The following HOXA3 variants were observed in gnomAD, a reference collection of about 807,000 sequenced individuals.
The protein encoded by HOXA3 is homeobox A3, also known as homeobox protein Hox-A3.
HOXA3 carries 8 observed loss-of-function variants against 30.3 expected under a neutral mutation model. The ratio of observed to expected loss-of-function variants is 0.26; its 90% CI spans 0.15 to 0.48. The LOEUF is 0.48. HOXA3 is among the 20% of genes least tolerant of loss of function. HOXA3 has a pLI of 0.99. For synonymous variants in HOXA3, 323 were observed against 273.1 expected (o/e 1.18, Z -1.80); for missense variants, 653 against 614.4 (o/e 1.06, Z -0.66).
In HOXA3 at chr7:27,131,053, G is replaced by T. The variant is rs927717920; in HGVS notation, c.-389-3983C>A. On this transcript the variant is annotated intron_variant, in intron 2 of 5. Coordinates refer to ENST00000612286, the MANE Select transcript of HOXA3 (RefSeq NM_153631.3). ...GCTGCTGTCCGGCCCCTGGGCTGGGGGAGGGAGCAGGAGCTTTGGACCCCA... is the reference window on the plus strand; with the variant it reads ...GCTGCTGTCCGGCCCCTGGGCTGGGTGAGGGAGCAGGAGCTTTGGACCCCA... Among the ~76,000 whole-genome samples the T allele has an allele frequency of 2.0e-5, 3 of 152,130 alleles. No individual in the cohort carries two copies. The East Asian group carries it at 5.8e-4, about 29-fold the overall frequency.
chr7:27,123,680 G>C (rs1785147640), intron 3 of HOXA3: 1 of 152,498 alleles, frequency 6.6e-6, no homozygotes, highest in South Asian at 2.1e-4. Context: ...GCCCTCCGCT[G>C]TCTGTCTGCC....
At chr7:27,142,722 C>G (rs41303384) in intron 1 of HOXA3, 2 of 354,368 alleles carry the variant, frequency 5.6e-6, no homozygotes, top group Non-Finnish European at 1.0e-5. Context: ...CAGCCATCCT[C>G]TACCTCTCTG....
At chr7:27,147,858 G>A in intron 1 of HOXA3, 2 of 1,014,104 alleles carry the variant, frequency 2.0e-6, no homozygotes, top group Non-Finnish European at 2.8e-6. Flanking sequence ...CGCCAAAAGC[G>A]ACAGCAGCAA....
intron 5 of HOXA3, 121 bp downstream of exon 5, chr7:27,109,994 T>G: frequency 8.3e-7 from 1 of 1,209,740 alleles, no homozygotes; most frequent in Non-Finnish European, 1.2e-6. Flanking sequence ...TGGGCAGTGG[T>G]GTGGGAGCAG....
chr7:27,121,138 C>A (rs564846494), intron 4 of HOXA3: 1 of 152,230 alleles, frequency 6.6e-6, no homozygotes, highest in South Asian at 2.1e-4. Context: ...GTCAAAAGTA[C>A]ACTTAACATT....
intron 2 of HOXA3, among the ~76,000 whole-genome samples, chr7:27,132,725 C>T (rs566099940): frequency 2.2e-4 from 34 of 152,244 alleles, no homozygotes; most frequent in African/African-American, 8.2e-4. Context: ...CAATATCTCT[C>T]CCTAGCAAGA....
chr7:27,130,186 C>G (rs2128054502), intron 2 of HOXA3: 1 of 1,585,948 alleles, frequency 6.3e-7, no homozygotes, highest in Non-Finnish European at 8.5e-7. Flanking sequence ...GCCCAGCGGG[C>G]TCTTGTCGGC....
At position 27,142,994 on chromosome 7, in the gene HOXA3, C is replaced by T; in HGVS notation, c.-493-2808G>A. The T allele has an allele frequency of 2.1e-6, 3 of 1,458,474 alleles. No homozygotes were observed. The South Asian group carries it at 4.2e-5, about 20-fold the overall frequency. 90.3% of individuals were successfully genotyped at this position (1,458,474 alleles called of 1,614,324 possible). On this transcript the variant is annotated intron_variant, in intron 1 of 5. Coordinates refer to ENST00000612286, the MANE Select transcript of HOXA3 (RefSeq NM_153631.3). ...AGGGCGGCAGAGAAGAGAGGGGGGA[C>T]CGAGAGCCGCGTCCCCGCGGTCGCG...
At chr7:27,136,593 A>G (rs1444600571) in intron 2 of HOXA3, among the ~76,000 whole-genome samples, 2 of 152,148 alleles carry the variant, frequency 1.3e-5, no homozygotes, top group Non-Finnish European at 2.9e-5. Flanking sequence ...GGCGATTCCT[A>G]GGGTGTGCAG....
intron 2 of HOXA3, 50 bp downstream of exon 2, chr7:27,140,033 A>AGAGAGAGAGAGAG (rs1281735462): frequency 1.3e-4 from 16 of 118,774 alleles, no homozygotes; most frequent in Admixed American, 2.6e-4. Flanking sequence ...GAGAGAGAGA[A>AGAGAGAGAGAGAG]AGTTTCCAAA....
chr7:27,110,988 G>A (rs1298534691), intron 4 of HOXA3, among the ~76,000 whole-genome samples: 1 of 152,218 alleles, frequency 6.6e-6, no homozygotes, highest in Non-Finnish European at 1.5e-5. Context: ...CCGGGGAGAA[G>A]GAGAATGAGT....
chr7:27,129,967 C>T, intron 2 of HOXA3: 3 of 848,418 alleles, frequency 3.5e-6, no homozygotes, highest in South Asian at 1.7e-5. Flanking sequence ...CTGGCTGGCG[C>T]GCACATACCC....
intron 1 of HOXA3, chr7:27,145,898 A>T: frequency 6.2e-7 from 1 of 1,613,190 alleles, no homozygotes; most frequent in South Asian, 1.1e-5. Flanking sequence ...CTCGGCGCCC[A>T]TGGCTCCCAT....
At chr7:27,116,444 G>A (rs1784726507) in intron 4 of HOXA3, 2 of 152,524 alleles carry the variant, frequency 1.3e-5, no homozygotes, top group African/African-American at 4.8e-5. Context: ...CTGGCATTTC[G>A]AGGTAGAAGG....
chr7:27,139,532 C>A (rs1051448204), intron 2 of HOXA3, among the ~76,000 whole-genome samples: 2 of 152,246 alleles, frequency 1.3e-5, no homozygotes, highest in Admixed American at 6.5e-5. Flanking sequence ...TGCCAAATGA[C>A]CCCGGCCCGC....
chr7:27,108,841 G>A lies in HOXA3; in HGVS notation c.527-121C>T, dbSNP rs1306763551. The A allele has an allele frequency of 7.2e-6, 5 of 694,952 alleles. No individual in the cohort carries two copies. Among genetic ancestry groups the A allele is most frequent in the Non-Finnish European group, 9.5e-6 (4 of 422,430 alleles). 43.0% of individuals were successfully genotyped at this position (694,952 alleles called of 1,614,324 possible). ...AGGTTCCTGCATCCGTCAGGTCCCAGAGAGAAGTAGGAACTAGGTGCTATC... is the reference window on the plus strand; with the variant it reads ...AGGTTCCTGCATCCGTCAGGTCCCAAAGAGAAGTAGGAACTAGGTGCTATC... On this transcript the variant is annotated intron_variant, in intron 5 of 5. Coordinates refer to ENST00000612286, the MANE Select transcript of HOXA3 (RefSeq NM_153631.3). The surrounding 1 kb of genome is among the most constrained non-coding windows in gnomAD (Gnocchi z 5.0).
chr7:27,146,816 C>A (rs1032940847), intron 1 of HOXA3, among the ~76,000 whole-genome samples: 2 of 152,200 alleles, frequency 1.3e-5, no homozygotes, highest in Non-Finnish European at 2.9e-5. Context: ...GAGTCTGGGG[C>A]TGTGGCCCTC....
rs534027729 is a variant in HOXA3, at chr7:27,129,256, C to T, written c.-389-2186G>A. On this transcript the variant is annotated intron_variant, in intron 2 of 5. Coordinates refer to ENST00000612286, the MANE Select transcript of HOXA3 (RefSeq NM_153631.3). ...GGAGGAGGGAACGGGTGTGGAGGTG[C>T]TCGGGTGGGGGTGGGGATGGAGGTG... 2.7e-5 allele frequency: 43 copies of T among 1,599,638 alleles called. No individual in the cohort carries two copies. In the South Asian group the frequency reaches 4.5e-4, roughly 17 times the overall value.
intron 2 of HOXA3, among the ~76,000 whole-genome samples, chr7:27,133,605 G>T (rs1785628044): frequency 6.6e-6 from 1 of 152,212 alleles, no homozygotes. Flanking sequence ...CCCATTAGGT[G>T]AAATAACTTT....
Sources: allele counts gnomAD v4.1 joint callset (sites outside exome capture counted in the v4.1 genomes callset), GRCh38; gene constraint gnomAD v4.1.1; non-coding constraint Gnocchi (gnomAD v3.1); transcripts MANE v1.5; gene names NCBI Gene and HGNC (gene_info 2026-07-23, HGNC 2026-07-21).